SEH1L: variants seen among roughly 807,000 people sequenced by gnomAD.
SEH1L encodes the protein SEH1 like nucleoporin.
Under a neutral mutation model 49.5 loss-of-function variants are expected in SEH1L, and 18 were observed. The observed-to-expected ratio is 0.36, with a 90% CI of 0.25 to 0.54. SEH1L has a LOEUF of 0.54. Among genes scored for constraint, SEH1L ranks in the 20% least tolerant of loss-of-function variants. The probability of loss-of-function intolerance (pLI) is 0.87; values close to 1 mark genes in which losing one functional copy is unlikely to be tolerated. For missense variants in SEH1L, 404 were observed against 528.8 expected, an observed-to-expected ratio of 0.76 and a Z score of 2.31; for synonymous variants, 169 against 178.1, an observed-to-expected ratio of 0.95 and a Z score of 0.41.
intron 2 of SEH1L, among the ~76,000 whole-genome samples, chr18:12,953,342 T>C (rs959225622): frequency 6.6e-6 from 1 of 152,240 alleles, no homozygotes; most frequent in African/African-American, 2.4e-5. Flanking sequence ...TGTGTAGACA[T>C]ATATTTTCAT....
At chr18:12,960,565 C>A (rs1392388576) in intron 3 of SEH1L, among the ~76,000 whole-genome samples, 1 of 152,130 alleles carries the variant, frequency 6.6e-6, no homozygotes, top group Non-Finnish European at 1.5e-5. Context: ...CAGCTCTTCT[C>A]AGGGGAGGAG....
Position 12,987,137 on chromosome 18 carries a change from T to C in SEH1L, c.*80T>C. 9.2e-7 allele frequency: 1 copy of C among 1,088,550 alleles called. No homozygotes were observed. The highest frequency in any genetic ancestry group is 2.4e-5 in the Admixed American group (1 of 41,716). 67.4% of individuals were successfully genotyped at this position (1,088,550 alleles called of 1,614,324 possible). ...TCTGGCTGCTTTTTGTTTTTCATTTTCTTTCAGAAGATTTTTCTAACTTAG... is the reference window on the plus strand; with the variant it reads ...TCTGGCTGCTTTTTGTTTTTCATTTCCTTTCAGAAGATTTTTCTAACTTAG... On this transcript the variant is annotated 3_prime_UTR_variant, in exon 9 of 9. Coordinates refer to ENST00000399892, the MANE Select transcript of SEH1L (RefSeq NM_001013437.2).
At chr18:12,969,747 C>T (rs2031615105) in intron 4 of SEH1L, among the ~76,000 whole-genome samples, 1 of 149,950 alleles carries the variant, frequency 6.7e-6, no homozygotes, top group East Asian at 2.0e-4. Context: ...AAGTTTGTGG[C>T]CAGGTGTGGT....
chr18:12,985,178 A>C, intron 8 of SEH1L: 1 of 1,538,190 alleles, frequency 6.5e-7, no homozygotes, highest in East Asian at 2.3e-5. Flanking sequence ...TGTGCCAATA[A>C]CCATCTGTGT....
intron 5 of SEH1L, chr18:12,977,827 C>CT (rs1385354989): frequency 6.6e-6 from 1 of 152,044 alleles, no homozygotes; most frequent in Non-Finnish European, 1.5e-5. Flanking sequence ...AAATCAAGCC[C>CT]TTTTTTATTT....
At position 12,971,249 on chromosome 18, in the gene SEH1L, C is replaced by G; in HGVS notation, c.618C>G (p.Thr206=). Residue 206 remains threonine (T), a splice_region_variant and synonymous_variant, in exon 5 of 9, where the codon ACC becomes ACG. Coordinates refer to ENST00000399892, the MANE Select transcript of SEH1L (RefSeq NM_001013437.2). ...AGATTTTTGAATATAATGAAAACAC[C>G]AGGTCAGTCCTGCTTTGGTTTTAAT... ...KVQIFEYNEN[T]RKYAKAETLM... 6.3e-7 allele frequency: 1 copy of G among 1,593,502 alleles called. No individual in the cohort carries two copies. Among genetic ancestry groups the G allele is most frequent in the South Asian group, 1.1e-5 (1 of 90,566 alleles).
intron 3 of SEH1L, among the ~76,000 whole-genome samples, chr18:12,961,160 A>G (rs1198039239): frequency 1.3e-5 from 2 of 152,092 alleles, no homozygotes; most frequent in Non-Finnish European, 2.9e-5. Context: ...TGTTTACTGG[A>G]GTTGCGCAGA....
chr18:12,975,997 G>A (rs912535965), intron 5 of SEH1L: 4 of 441,026 alleles, frequency 9.1e-6, no homozygotes, highest in South Asian at 9.5e-5. Flanking sequence ...TTTGAGGTGC[G>A]TTTGGAACAT....
intron 6 of SEH1L, among the ~76,000 whole-genome samples, chr18:12,980,822 C>A (rs1598979204): frequency 9.0e-6 from 1 of 111,502 alleles, no homozygotes; most frequent in African/African-American, 3.4e-5. Flanking sequence ...GGGCGGGGGG[C>A]TGACCCCCCC....
At chr18:12,967,279 A>G (rs940880750) in intron 4 of SEH1L, among the ~76,000 whole-genome samples, 1 of 152,218 alleles carries the variant, frequency 6.6e-6, no homozygotes, top group Non-Finnish European at 1.5e-5. Flanking sequence ...GACAACTTAT[A>G]TGTTGTTGAT....
At chr18:12,978,708 A>G (rs1481710027) in intron 5 of SEH1L, 44 bp from the exon 6 acceptor site, 18 of 1,554,118 alleles carry the variant, frequency 1.2e-5, no homozygotes, top group Non-Finnish European at 1.4e-5. Context: ...GGATTTTTGC[A>G]CATTTTATTT....
At chr18:12,983,923 T>C in intron 7 of SEH1L, 117 bp from the exon 8 acceptor site, 3 of 635,414 alleles carry the variant, frequency 4.7e-6, no homozygotes, top group African/African-American at 1.8e-5. Context: ...CTGAAAGAAA[T>C]GTAGCTCATA....
In SEH1L at chr18:12,955,582, T is replaced by C. The variant is rs761938482; in HGVS notation, c.282T>C (p.Asn94=). 8.7e-6 allele frequency: 14 copies of C among 1,614,096 alleles called. No individual in the cohort carries two copies. The South Asian group carries it at 1.5e-4, about 18-fold the overall frequency. ...GGGAAGAAATAGTAGGAGAATCAAA[T>C]GATAAACTGCGAGGACAGAGCCACT... is the stretch of plus-strand genomic sequence containing the variant. ...AVWEEIVGES[N]DKLRGQSHWV... is the part of the protein sequence containing the mutation. The change falls in exon 3 of 9, where the codon AAT becomes AAC. Residue 94 remains asparagine (N), a synonymous_variant. Transcript: ENST00000399892.
Position 12,948,073 on chromosome 18 carries a change from C to T in SEH1L, c.-49C>T, listed in dbSNP as rs746384745. 5.1e-4 allele frequency: 750 copies of T among 1,457,692 alleles called. 8 individuals carry two copies. The highest frequency in any genetic ancestry group is 1.8e-4 in the Middle Eastern group (1 of 5,700). 90.3% of individuals were successfully genotyped at this position (1,457,692 alleles called of 1,614,324 possible). A position where few individuals can be genotyped will look rare whatever the true frequency, so the allele number is the denominator to read the frequency against. ...TAGGCTACGGGCCACGCGCCGCCGC[C>T]GCTGCCGCCGCCACTGTCCTCTTCG... On this transcript the variant is annotated 5_prime_UTR_variant, in exon 1 of 9. Transcript: ENST00000399892.
intron 8 of SEH1L, chr18:12,986,596 T>G: frequency 5.9e-6 from 6 of 1,023,000 alleles, no homozygotes; most frequent in Non-Finnish European, 6.0e-6. Context: ...TTATATATAT[T>G]TTTTAACATT....
intron 1 of SEH1L, among the ~76,000 whole-genome samples, chr18:12,949,441 C>T (rs1598935522): frequency 3.5e-5 from 3 of 85,434 alleles, no homozygotes; most frequent in Non-Finnish European, 4.8e-5. Context: ...CTACGTTAAC[C>T]GTTTTTTTTT....
intron 7 of SEH1L, chr18:12,983,177 G>A (rs898120759): frequency 1.3e-5 from 2 of 152,664 alleles, no homozygotes; most frequent in Non-Finnish European, 2.9e-5. Context: ...ACTGACTGTG[G>A]TCTCTGTAGC....
intron 6 of SEH1L, among the ~76,000 whole-genome samples, chr18:12,980,993 TGCCGGGCGGAGGG>T (rs2032223377): frequency 2.2e-5 from 3 of 138,744 alleles, no homozygotes; most frequent in African/African-American, 8.2e-5. Context: ...ACGGGGTGGC[TGCCGGGCGGAGGG>T]GCTCCTCACT....
In SEH1L at chr18:12,980,364, C is replaced by T. The variant is rs1322100536; in HGVS notation, c.761+1472C>T. Among the ~76,000 whole-genome samples the T allele has an allele frequency of 2.0e-3, 248 of 122,356 alleles. 2 individuals are homozygous for T. The highest frequency in any genetic ancestry group is 7.2e-3 in the African/African-American group (230 of 31,930). The allele number at this position is 122,356 out of a possible 152,430, so 80.3% of individuals were successfully genotyped here. A position where few individuals can be genotyped will look rare whatever the true frequency, so the allele number is the denominator to read the frequency against. ...CTCCCGGACAGGGCGGCTGGCAGGG[C>T]GGGGGGCTGACCCCCCCACCTCCCT... On this transcript the variant is annotated intron_variant, in intron 6 of 8. Transcript: ENST00000399892.
Sources: allele counts gnomAD v4.1 joint callset (sites outside exome capture counted in the v4.1 genomes callset), GRCh38; gene constraint gnomAD v4.1.1; transcripts MANE v1.5; gene names NCBI Gene and HGNC (gene_info 2026-07-23, HGNC 2026-07-21).